The following PCDH11X variants were observed in gnomAD, a reference collection of about 807,000 sequenced individuals.
PCDH11X encodes protocadherin 11 X-linked.
PCDH11X carries 18 observed loss-of-function variants against 53.3 expected under a neutral mutation model. The observed-to-expected ratio is 0.34, with a 90% CI of 0.23 to 0.50. The LOEUF (loss-of-function observed/expected upper bound fraction) is 0.50, where lower values mean the gene tolerates loss of function less well. Ranked by LOEUF, PCDH11X falls within the 20% of genes least tolerant of loss-of-function variation. PCDH11X has a pLI of 0.98. For synonymous variants in PCDH11X, 279 were observed against 393.3 expected (o/e 0.71, Z 3.44); for missense variants, 570 against 1,032.4 (o/e 0.55, Z 6.14).
At chrX:92,253,237 A>C (rs2148400780) in intron 7 of PCDH11X, among the ~76,000 whole-genome samples, 1 of 111,587 alleles carries the variant, frequency 9.0e-6, no homozygotes, top group South Asian at 3.8e-4. Context: ...ACTTTGTCAA[A>C]AATGAGTTCA....
chrX:92,518,268 A>G (rs1321294336), intron 10 of PCDH11X, among the ~76,000 whole-genome samples: 1 of 111,689 alleles, frequency 9.0e-6, no homozygotes, highest in African/African-American at 3.3e-5. Flanking sequence ...TCCCTTTGTG[A>G]AATGTCTTTC....
chrX:92,188,030 ACCT>A (rs1271433290), intron 6 of PCDH11X, among the ~76,000 whole-genome samples: 2 of 110,963 alleles, frequency 1.8e-5, no homozygotes, highest in African/African-American at 6.6e-5. Flanking sequence ...AGACAATTTC[ACCT>A]CCTTTCAAGG....
At chrX:92,218,166 AG>A (rs1474188245) in intron 7 of PCDH11X, among the ~76,000 whole-genome samples, 1 of 110,962 alleles carries the variant, frequency 9.0e-6, no homozygotes, top group Admixed American at 9.6e-5. Flanking sequence ...CACATTCAAA[AG>A]CTAGCAGAAG....
intron 9 of PCDH11X, among the ~76,000 whole-genome samples, chrX:92,401,936 A>T (rs183073359): frequency 5.6e-3 from 627 of 112,204 alleles, no homozygotes; most frequent in African/African-American, 0.02. Context: ...TTTGTGAAAA[A>T]GTAAATGGCC....
At chrX:92,441,953 A>G (rs778401157) in intron 9 of PCDH11X, among the ~76,000 whole-genome samples, 1,430 of 110,296 alleles carry the variant, frequency 0.013, 22 homozygotes, top group African/African-American at 0.045. Context: ...TTCCAAGACT[A>G]TGGGAACTAC....
chrX:92,617,960 G>A (rs1196703110), intron 10 of PCDH11X, among the ~76,000 whole-genome samples: 3 of 110,832 alleles, frequency 2.7e-5, no homozygotes, highest in African/African-American at 9.8e-5. Flanking sequence ...CAGCTGACTT[G>A]CATGTATAGA....
At chrX:91,982,789 T>C in intron 6 of PCDH11X, 1 of 724,954 alleles carries the variant, frequency 1.4e-6, no homozygotes, top group South Asian at 2.1e-5. Flanking sequence ...AGGCTGGAGT[T>C]GTTCACTTTA....
intron 6 of PCDH11X, among the ~76,000 whole-genome samples, chrX:91,891,442 T>C (rs1940467791): frequency 9.7e-6 from 1 of 102,906 alleles, no homozygotes; most frequent in Non-Finnish European, 2.0e-5. Flanking sequence ...ATGGTATAGC[T>C]CATTATCTGT....
At chrX:91,899,921 G>GT (rs1408783874) in intron 6 of PCDH11X, among the ~76,000 whole-genome samples, 3 of 111,713 alleles carry the variant, frequency 2.7e-5, no homozygotes, top group Non-Finnish European at 5.6e-5. Context: ...TGCCCATTCT[G>GT]TATTCCCTTT....
At chrX:91,811,146 C>T (rs1936281014) in intron 3 of PCDH11X, 91 bp from the exon 4 acceptor site, 1 of 899,871 alleles carries the variant, frequency 1.1e-6, no homozygotes, top group Admixed American at 3.4e-5. Flanking sequence ...CTTTTCAGTG[C>T]ATCTATTTCA....
intron 6 of PCDH11X, among the ~76,000 whole-genome samples, chrX:91,966,934 C>T (rs986200070): frequency 1.8e-5 from 2 of 109,213 alleles, no homozygotes; most frequent in African/African-American, 6.7e-5. Flanking sequence ...TTTTAAGCCC[C>T]GCATGTATTA....
intron 10 of PCDH11X, among the ~76,000 whole-genome samples, chrX:92,564,526 T>G (rs1327935781): frequency 9.4e-6 from 1 of 106,451 alleles, no homozygotes; most frequent in Non-Finnish European, 1.9e-5. Context: ...GAAAAGCCAC[T>G]CTCTTCAAAA....
At chrX:92,410,578 A>C (rs1170413453) in intron 9 of PCDH11X, among the ~76,000 whole-genome samples, 1 of 95,589 alleles carries the variant, frequency 1.0e-5, no homozygotes, top group African/African-American at 4.2e-5. Context: ...AGTTTCCATC[A>C]AGAAACAAAG....
intron 5 of PCDH11X, among the ~76,000 whole-genome samples, chrX:91,872,329 C>CA (rs67943877): frequency 2.2e-3 from 203 of 94,129 alleles, no homozygotes; most frequent in African/African-American, 3.9e-3. Flanking sequence ...AAATAAAAGA[C>CA]AAAAAAAAAA....
intron 6 of PCDH11X, among the ~76,000 whole-genome samples, chrX:92,196,947 A>G (rs2066302832): frequency 9.0e-6 from 1 of 111,731 alleles, no homozygotes; most frequent in Admixed American, 9.6e-5. Flanking sequence ...ATAATAGTGC[A>G]AACCAAGAGG....
intron 6 of PCDH11X, among the ~76,000 whole-genome samples, chrX:92,029,955 C>T (rs987574367): frequency 8.9e-6 from 1 of 112,132 alleles, no homozygotes; most frequent in Non-Finnish European, 1.9e-5. Flanking sequence ...TTCAACCTTT[C>T]GGTTAAGCTA....
At chrX:92,057,555 A>T (rs2063467045) in intron 6 of PCDH11X, among the ~76,000 whole-genome samples, 1 of 105,747 alleles carries the variant, frequency 9.5e-6, no homozygotes, top group South Asian at 4.3e-4. Flanking sequence ...ATTGAACTGG[A>T]ACTAAAACTT....
At chrX:91,792,256 T>C (rs1448553763) in intron 1 of PCDH11X, among the ~76,000 whole-genome samples, 1 of 111,974 alleles carries the variant, frequency 8.9e-6, no homozygotes, top group Non-Finnish European at 1.9e-5. Context: ...CTCAGACTCA[T>C]AACTGGAAAA....
rs778290292 is a variant in PCDH11X, at chrX:92,453,348, G to A, written c.3344-14951G>A. Among the ~76,000 whole-genome samples the A allele has an allele frequency of 1.2e-3, 129 of 111,094 alleles. 1 individual carries two copies. The highest frequency in any genetic ancestry group is 4.0e-3 in the African/African-American group (122 of 30,615). On this transcript the variant is annotated intron_variant, in intron 9 of 10. Coordinates refer to ENST00000682573, the MANE Select transcript of PCDH11X (RefSeq NM_032968.5). Reference sequence around the variant, plus strand: ...TGAGTATCTGTTCTAAATTTCATCCGAATTAATGTTATTTTATGAAACTAT... The same window carrying A: ...TGAGTATCTGTTCTAAATTTCATCCAAATTAATGTTATTTTATGAAACTAT...
Sources: gnomAD v4.1 joint callset for allele counts (sites outside exome capture counted in the v4.1 genomes callset) on GRCh38, gnomAD v4.1.1 for gene constraint, MANE v1.5 for transcripts, NCBI Gene and HGNC (gene_info 2026-07-23, HGNC 2026-07-21) for gene names.